Variants in PTPRU observed in about 807,000 individuals in gnomAD.
PTPRU encodes the protein protein tyrosine phosphatase receptor type U.
PTPRU carries 69 observed loss-of-function variants against 166.3 expected under a neutral mutation model. The ratio of observed to expected loss-of-function variants is 0.41; its 90% CI spans 0.34 to 0.51. The LOEUF (loss-of-function observed/expected upper bound fraction) is 0.51. Among genes scored for constraint, PTPRU ranks in the 20% least tolerant of loss-of-function variants. The pLI, the probability that PTPRU is intolerant of heterozygous loss-of-function variation, is 0.09. For missense variants in PTPRU, 1,657 were observed against 2,013.7 expected, an observed-to-expected ratio of 0.82 and a Z score of 3.39; for synonymous variants, 793 against 814.0, an observed-to-expected ratio of 0.97 and a Z score of 0.44.
At chr1:29,304,970 T>C (rs1687320039) in intron 17 of PTPRU, 121 bp downstream of exon 17, 2 of 828,710 alleles carry the variant, frequency 2.4e-6, no homozygotes, top group Non-Finnish European at 3.8e-6. Context: ...CCACCTTTTA[T>C]TGAGGGCCTA....
rs760645248 is a variant in PTPRU, at chr1:29,258,770, A to G, written c.471A>G (p.Glu157=). Residue 157 remains glutamate, a synonymous_variant, in exon 3 of 30, where the codon GAA becomes GAG. Transcript: ENST00000373779. ...CTGTCAGCACTTTCTGGCCCAATGAATATCAGGTGGGCTGGGTTCAGTCAG... is the reference window on the plus strand; with the variant it reads ...CTGTCAGCACTTTCTGGCCCAATGAGTATCAGGTGGGCTGGGTTCAGTCAG... ...ELAVSTFWPN[E]YQVLFEALIS... 7.6e-6 allele frequency: 12 copies of G among 1,573,038 alleles called. 1 individual carries two copies. The South Asian group carries it at 1.4e-4, about 19-fold the overall frequency.
intron 15 of PTPRU, among the ~76,000 whole-genome samples, chr1:29,300,995 G>T (rs57314740): frequency 2.0e-5 from 3 of 151,958 alleles, no homozygotes; most frequent in Non-Finnish European, 4.4e-5. Flanking sequence ...CATCAGGCAA[G>T]AAAAGTAGGG....
chr1:29,319,647 T>C (rs1002748667), intron 25 of PTPRU, among the ~76,000 whole-genome samples: 2 of 152,200 alleles, frequency 1.3e-5, no homozygotes, highest in Non-Finnish European at 2.9e-5. Context: ...GAGAGATCGC[T>C]GGGGGACCAG....
At chr1:29,304,960 C>T (rs1687319189) in intron 17 of PTPRU, 111 bp downstream of exon 17, 4 of 980,318 alleles carry the variant, frequency 4.1e-6, no homozygotes, top group Non-Finnish European at 6.1e-6. Flanking sequence ...GTAGCATTGG[C>T]CACCTTTTAT....
intron 11 of PTPRU, among the ~76,000 whole-genome samples, chr1:29,281,206 A>T (rs1252682937): frequency 1.3e-5 from 2 of 151,904 alleles, no homozygotes; most frequent in Non-Finnish European, 2.9e-5. Flanking sequence ...CTCACTCCCC[A>T]CTGTATCCTC....
At chr1:29,294,728 A>G (rs1198678190) in intron 15 of PTPRU, among the ~76,000 whole-genome samples, 1 of 152,146 alleles carries the variant, frequency 6.6e-6, no homozygotes, top group African/African-American at 2.4e-5. Flanking sequence ...TCCATCTGGA[A>G]TTGATTTTTG....
At position 29,321,196 on chromosome 1, in the gene PTPRU, ATTTTTTT is replaced by A. The variant is rs71025210; in HGVS notation, c.3828+388_3828+394del. Among the ~76,000 whole-genome samples, 30 of 100,394 alleles carry A rather than the reference ATTTTTTT, an allele frequency of 3.0e-4. No homozygotes were observed. The South Asian group carries it at 4.7e-3, about 16-fold the overall frequency. The allele number at this position is 100,394 out of a possible 152,430, so 65.9% of individuals were successfully genotyped here. On this transcript the variant is annotated intron_variant, in intron 26 of 29. Coordinates refer to ENST00000373779, the MANE Select transcript of PTPRU (RefSeq NM_133178.4). ...CAGGCTGCATCACCACAGCTGTCTG[ATTTTTTT>A]TTTTTTTTTTTTTTTTCAGTAGAGA... is the stretch of plus-strand genomic sequence containing the variant.
intron 2 of PTPRU, among the ~76,000 whole-genome samples, chr1:29,258,077 G>C (rs569976607): frequency 6.6e-6 from 1 of 152,164 alleles, no homozygotes; most frequent in Non-Finnish European, 1.5e-5. Context: ...CAATTCTCCT[G>C]TTTCAGCCTC....
chr1:29,302,625 C>G (rs1687189886), intron 15 of PTPRU, among the ~76,000 whole-genome samples: 1 of 152,162 alleles, frequency 6.6e-6, no homozygotes, highest in Non-Finnish European at 1.5e-5. Flanking sequence ...TCTTGGCTCA[C>G]TGCAACCTCT....
chr1:29,317,882 T>C lies in PTPRU; in HGVS notation c.3648T>C (p.Asp1216=). ...DRCLPFLIST[D]GDSNNYINAA... ...GCCTGCCCTTCCTCATCTCCACTGA[T>C]GGGGACTCCAACAACTACATTAATG... Residue 1216 remains aspartate, a synonymous_variant, in exon 25 of 30, where the codon GAT becomes GAC. Transcript: ENST00000373779. The surrounding 1 kb of genome is among the most constrained non-coding windows in gnomAD (Gnocchi z 5.6). 6.2e-7 allele frequency: 1 copy of C among 1,614,020 alleles called. No homozygotes were observed. The highest frequency in any genetic ancestry group is 1.3e-5 in the African/African-American group (1 of 75,042).
chr1:29,251,726 A>G (rs1684552046), intron 1 of PTPRU, among the ~76,000 whole-genome samples: 1 of 152,222 alleles, frequency 6.6e-6, no homozygotes, highest in Non-Finnish European at 1.5e-5. Flanking sequence ...GGCTCTCCCC[A>G]GGGTGGTGAG....
chr1:29,262,846 C>T (rs963678020), intron 7 of PTPRU, among the ~76,000 whole-genome samples: 1 of 152,174 alleles, frequency 6.6e-6, no homozygotes, highest in African/African-American at 2.4e-5. Flanking sequence ...CCCCATTTCA[C>T]TCGCACACCT....
At chr1:29,263,896 G>A (rs903612623) in intron 7 of PTPRU, among the ~76,000 whole-genome samples, 2 of 152,006 alleles carry the variant, frequency 1.3e-5, no homozygotes, top group South Asian at 2.1e-4. Flanking sequence ...TGAGTAGGCC[G>A]GGCATGGTGG....
intron 7 of PTPRU, among the ~76,000 whole-genome samples, chr1:29,274,707 C>G (rs1049567073): frequency 6.6e-6 from 1 of 152,044 alleles, no homozygotes; most frequent in African/African-American, 2.4e-5. Context: ...TCAGACTGGC[C>G]TGTTGTAGTC....
At position 29,237,470 on chromosome 1, in the gene PTPRU, G is replaced by T. The variant is rs556228023; in HGVS notation, c.73+753G>T. On this transcript the variant is annotated intron_variant, in intron 1 of 29. Coordinates refer to ENST00000373779, the MANE Select transcript of PTPRU (RefSeq NM_133178.4). The surrounding 1 kb of genome is among the most constrained non-coding windows in gnomAD (Gnocchi z 6.4). ...GTGTGCTGGCTGCGCGTCCAGGAAT[G>T]TTGCGAGTGTGGAGCGCGCCTGGGC... 2.0e-5 allele frequency among the ~76,000 whole-genome samples: 3 copies of T among 152,186 alleles called. No homozygotes were observed. Among genetic ancestry groups the T allele is most frequent in the Non-Finnish European group, 4.4e-5 (3 of 68,022 alleles).
At position 29,236,524 on chromosome 1, in the gene PTPRU, T is replaced by G. The variant is rs1683764377; in HGVS notation, c.-121T>G. The stretch of plus-strand genomic sequence containing the variant: ...GCTCGCGCTCTGGACTCGGCGCCAG[T>G]CCCGCTCCGCGCCGCGCCGCTCCGC... On this transcript the variant is annotated 5_prime_UTR_variant, in exon 1 of 30. Coordinates refer to ENST00000373779, the MANE Select transcript of PTPRU (RefSeq NM_133178.4). This position sits in a 1 kb window ranked among gnomAD's most constrained non-coding sequence, Gnocchi z 4.6. 2 of 755,700 alleles carry G rather than the reference T, an allele frequency of 2.6e-6. No homozygotes were observed. Among genetic ancestry groups the G allele is most frequent in the Non-Finnish European group, 3.4e-6 (2 of 594,088 alleles). 46.8% of individuals were successfully genotyped at this position (755,700 alleles called of 1,614,324 possible). A position where few individuals can be genotyped will look rare whatever the true frequency, so the allele number is the denominator to read the frequency against.
At chr1:29,301,799 G>T (rs1259947032) in intron 15 of PTPRU, among the ~76,000 whole-genome samples, 1 of 152,022 alleles carries the variant, frequency 6.6e-6, no homozygotes, top group Non-Finnish European at 1.5e-5. Flanking sequence ...TGTTCTCATT[G>T]TTCAATTCCC....
chr1:29,296,719 G>A (rs929675138), intron 15 of PTPRU, among the ~76,000 whole-genome samples: 11 of 139,008 alleles, frequency 7.9e-5, no homozygotes, highest in African/African-American at 2.9e-4. Flanking sequence ...ACAGGGTTTT[G>A]TCATGTTGTC....
At chr1:29,259,408 G>C (rs755204089) in intron 4 of PTPRU, 41 bp from the exon 5 acceptor site, 34 of 1,607,416 alleles carry the variant, frequency 2.1e-5, no homozygotes, top group Middle Eastern at 3.3e-4. Context: ...CTGCCTGCAG[G>C]GGGTGCAGGC....
Sources: allele counts gnomAD v4.1 joint callset (sites outside exome capture counted in the v4.1 genomes callset), GRCh38; gene constraint gnomAD v4.1.1; non-coding constraint Gnocchi (gnomAD v3.1); transcripts MANE v1.5; gene names NCBI Gene and HGNC (gene_info 2026-07-23, HGNC 2026-07-21).